PIK3AP1: variants seen among roughly 807,000 people sequenced by gnomAD.
PIK3AP1 encodes phosphoinositide 3-kinase adapter protein 1.
Under a neutral mutation model 88.1 loss-of-function variants are expected in PIK3AP1, and 21 were observed. The observed-to-expected ratio is 0.24, with a 90% CI of 0.17 to 0.34. The LOEUF (loss-of-function observed/expected upper bound fraction) is 0.34. PIK3AP1 is among the 10% of genes least tolerant of loss of function. The probability of loss-of-function intolerance (pLI) is 1.00; values close to 1 mark genes in which losing one functional copy is unlikely to be tolerated. For missense variants in PIK3AP1, 828 were observed against 1,035.7 expected (o/e 0.80, Z 2.75); for synonymous variants, 398 against 400.0 (o/e 1.00, Z 0.06).
chr10:96,638,707 G>GT (rs1468196717), intron 8 of PIK3AP1, among the ~76,000 whole-genome samples: 1 of 152,244 alleles, frequency 6.6e-6, no homozygotes, highest in African/African-American at 2.4e-5. Flanking sequence ...GTGCTGTGCA[G>GT]TGAGTCGCAC....
chr10:96,644,064 G>A (rs1440309899), intron 8 of PIK3AP1, among the ~76,000 whole-genome samples: 10 of 152,166 alleles, frequency 6.6e-5, no homozygotes, highest in Non-Finnish European at 1.3e-4. Context: ...ACTCCAGTAC[G>A]TGCGTGGAGA....
Position 96,620,519 on chromosome 10 carries a change from T to C in PIK3AP1, c.1774A>G (p.Ser592Gly), listed in dbSNP as rs762310393. ...ATTCCCGCAAAAGGGTCATATATACTCGACTGGGGCCTGTCCCTCCATGGT... is the reference window on the plus strand; with the variant it reads ...ATTCCCGCAAAAGGGTCATATATACCCGACTGGGGCCTGTCCCTCCATGGT... ...VRPWRDRPQS[S>G]IYDPFAGMKT... The change falls in exon 12 of 17, where the codon AGT becomes GGT. Residue 592 changes from serine (S) to glycine (G), a missense_variant. Physicochemically the swap from Ser to Gly is moderately conservative, Grantham distance 56. Coordinates refer to ENST00000339364, the MANE Select transcript of PIK3AP1 (RefSeq NM_152309.3). 8 of 1,613,414 alleles carry C rather than the reference T, an allele frequency of 5.0e-6. No individual in the cohort carries two copies. Among genetic ancestry groups the C allele is most frequent in the Non-Finnish European group, 6.8e-6 (8 of 1,180,042 alleles).
intron 2 of PIK3AP1, among the ~76,000 whole-genome samples, chr10:96,683,611 GATA>G (rs911725639): frequency 1.1e-3 from 169 of 152,240 alleles, no homozygotes; most frequent in African/African-American, 3.8e-3. Context: ...TGAAAATTGA[GATA>G]ATAAAATCAA....
At chr10:96,600,505 T>G (rs1211580200) in intron 16 of PIK3AP1, among the ~76,000 whole-genome samples, 2 of 152,178 alleles carry the variant, frequency 1.3e-5, no homozygotes, top group Non-Finnish European at 2.9e-5. Flanking sequence ...TGCCTTCCAG[T>G]CTACACCAGG....
In PIK3AP1 at chr10:96,651,367, A is replaced by T. The variant is rs540870357; in HGVS notation, c.869T>A (p.Val290Glu). The stretch of plus-strand genomic sequence containing the variant: ...ATCAAGGGTCTCTGTGTTGTAGGGC[A>T]CAATTTTAAAGGCCTGAAAACAAAA... The part of the protein sequence containing the change: ...VEFMCQAFKI[V>E]PYNTETLDKL... The change falls in exon 6 of 17, where the codon GTG (valine) becomes GAG (glutamate). Residue 290 changes from valine (V) to glutamate (E), a missense_variant. Physicochemically the swap from Val to Glu is moderately radical, Grantham distance 121. Around this residue, in one of 3 missense-constraint regions of PIK3AP1, gnomAD observed 610 missense variants for 760.1 expected, o/e 0.80. Coordinates refer to ENST00000339364, the MANE Select transcript of PIK3AP1 (RefSeq NM_152309.3). 6.2e-7 allele frequency: 1 copy of T among 1,614,204 alleles called. No homozygotes were observed. Among genetic ancestry groups the T allele is most frequent in the Non-Finnish European group, 8.5e-7 (1 of 1,180,030 alleles).
intron 8 of PIK3AP1, among the ~76,000 whole-genome samples, chr10:96,629,909 C>CAAAAAAAAAAAAAAAAAAAAAAAA (rs66669261): frequency 3.7e-4 from 2 of 5,414 alleles, no homozygotes; most frequent in Non-Finnish European, 1.6e-3. Context: ...CAACAACAAC[C>CAAAAAAAAAAAAAAAAAAAAAAAA]AAAAAAAAAA....
intron 2 of PIK3AP1, among the ~76,000 whole-genome samples, chr10:96,680,183 A>T (rs1189413411): frequency 6.6e-6 from 1 of 152,210 alleles, no homozygotes; most frequent in Non-Finnish European, 1.5e-5. Flanking sequence ...AAAAGGTGGC[A>T]CCCAGAATGG....
At chr10:96,667,975 A>G (rs1843788149) in intron 2 of PIK3AP1, among the ~76,000 whole-genome samples, 3 of 152,204 alleles carry the variant, frequency 2.0e-5, no homozygotes, top group South Asian at 2.1e-4. Context: ...TCTAACTTCT[A>G]TCTATATCAA....
chr10:96,639,927 A>C (rs1048038538), intron 8 of PIK3AP1, among the ~76,000 whole-genome samples: 3 of 152,216 alleles, frequency 2.0e-5, no homozygotes, highest in Admixed American at 2.0e-4. Flanking sequence ...GAGGTCCTTT[A>C]CAGTCCCCAA....
chr10:96,654,975 G>T (rs570364193), intron 3 of PIK3AP1, among the ~76,000 whole-genome samples: 122 of 152,300 alleles, frequency 8.0e-4, no homozygotes, highest in Non-Finnish European at 1.2e-3. Context: ...CTTGGCCCCC[G>T]CCAGTCATCT....
chr10:96,696,054 A>G (rs1341918955), intron 2 of PIK3AP1, among the ~76,000 whole-genome samples: 1 of 152,216 alleles, frequency 6.6e-6, no homozygotes, highest in African/African-American at 2.4e-5. Flanking sequence ...TAAGATGCTC[A>G]TGGGAGGGAC....
Position 96,687,306 on chromosome 10 carries a change from C to G in PIK3AP1, c.430+22261G>C, listed in dbSNP as rs1014449921. On this transcript the variant is annotated intron_variant, in intron 2 of 16. Coordinates refer to ENST00000339364, the MANE Select transcript of PIK3AP1 (RefSeq NM_152309.3). ...AAAAAGAAAAAAGATCTCCTCCTTT[C>G]AAGGATGAATTGGAGCCTTCTTTGA... Among the ~76,000 whole-genome samples, 5 of 142,086 alleles carry G rather than the reference C, an allele frequency of 3.5e-5. 1 individual carries two copies. The highest frequency in any genetic ancestry group is 1.3e-4 in the African/African-American group (5 of 38,504). 93.2% of individuals were successfully genotyped at this position (142,086 alleles called of 152,430 possible). A position where few individuals can be genotyped will look rare whatever the true frequency, so the allele number is the denominator to read the frequency against.
intron 1 of PIK3AP1, among the ~76,000 whole-genome samples, chr10:96,714,685 C>T (rs1032502930): frequency 5.9e-5 from 9 of 152,228 alleles, no homozygotes; most frequent in East Asian, 1.9e-4. Context: ...GAAAGTAATG[C>T]TCAAACAAAA....
chr10:96,599,796 C>G (rs889309645), intron 16 of PIK3AP1, among the ~76,000 whole-genome samples: 3 of 152,210 alleles, frequency 2.0e-5, no homozygotes, highest in Non-Finnish European at 4.4e-5. Context: ...CAATTACAAA[C>G]TGCTTCGTAA....
intron 8 of PIK3AP1, among the ~76,000 whole-genome samples, chr10:96,628,889 C>CATATATATAT (rs745432871): frequency 1.6e-5 from 1 of 60,836 alleles, no homozygotes; most frequent in African/African-American, 6.0e-5. Context: ...TATATATATA[C>CATATATATAT]ATATATATAT....
intron 8 of PIK3AP1, 61 bp downstream of exon 8, chr10:96,645,412 G>T: frequency 6.4e-7 from 1 of 1,566,030 alleles, no homozygotes; most frequent in Non-Finnish European, 8.7e-7. Context: ...ATCTTCATCC[G>T]GAATGAAAAA....
At chr10:96,705,009 G>A (rs1005733199) in intron 2 of PIK3AP1, among the ~76,000 whole-genome samples, 2 of 152,130 alleles carry the variant, frequency 1.3e-5, no homozygotes, top group African/African-American at 2.4e-5. Context: ...AATTTTAAAT[G>A]GGCTTAGTGA....
intron 8 of PIK3AP1, among the ~76,000 whole-genome samples, chr10:96,643,094 G>A (rs568011109): frequency 1.3e-5 from 2 of 152,134 alleles, no homozygotes; most frequent in African/African-American, 4.8e-5. Flanking sequence ...ATCAGTAACC[G>A]AAATGTACTA....
intron 14 of PIK3AP1, among the ~76,000 whole-genome samples, chr10:96,606,201 C>T (rs1192829236): frequency 6.6e-6 from 1 of 152,318 alleles, no homozygotes; most frequent in East Asian, 1.9e-4. Context: ...CCAGCCCACT[C>T]CTGTCCACAA....
Sources: gnomAD v4.1 joint callset for allele counts (sites outside exome capture counted in the v4.1 genomes callset) on GRCh38, gnomAD v4.1.1 for gene constraint, gnomAD v4.1.1 regional missense constraint, MANE v1.5 for transcripts, NCBI Gene and HGNC (gene_info 2026-07-23, HGNC 2026-07-21) for gene names.